Variants in WDR82 observed in about 807,000 individuals in gnomAD.
WDR82 encodes the protein WD repeat domain 82.
Under a neutral mutation model 36.1 loss-of-function variants are expected in WDR82, and 8 were observed. The observed-to-expected ratio is 0.22, with a 90% confidence interval of 0.13 to 0.40. The LOEUF (loss-of-function observed/expected upper bound fraction) is 0.40, where lower values mean the gene tolerates loss of function less well. Among genes scored for constraint, WDR82 ranks in the 10% least tolerant of loss-of-function variants. The probability of loss-of-function intolerance (pLI) is 1.00; values close to 1 mark genes in which losing one functional copy is unlikely to be tolerated. For missense variants in WDR82, 185 were observed against 400.5 expected, an observed-to-expected ratio of 0.46 and a Z score of 4.59; for synonymous variants, 129 against 137.8, an observed-to-expected ratio of 0.94 and a Z score of 0.45.
chr3:52,275,265 G>A (rs964718563), intron 1 of WDR82, among the ~76,000 whole-genome samples: 3 of 152,136 alleles, frequency 2.0e-5, no homozygotes, highest in Non-Finnish European at 4.4e-5. Flanking sequence ...GCCTTCCCAA[G>A]GAAATACTTC....
chr3:52,277,337 G>C (rs1377534003), intron 1 of WDR82, among the ~76,000 whole-genome samples: 3 of 152,118 alleles, frequency 2.0e-5, no homozygotes, highest in Admixed American at 6.6e-5. Context: ...TGCAGGTATG[G>C]TGGGTCTCCA....
chr3:52,276,367 G>A (rs994367504), intron 1 of WDR82, among the ~76,000 whole-genome samples: 1 of 151,594 alleles, frequency 6.6e-6, no homozygotes, highest in Admixed American at 6.6e-5. Flanking sequence ...GGAGGCAGAG[G>A]TTGCAGTGAG....
At chr3:52,257,695 G>C (rs747649335) in intron 8 of WDR82, among the ~76,000 whole-genome samples, 176 bp from the exon 9 acceptor site, 7 of 152,070 alleles carry the variant, frequency 4.6e-5, no homozygotes, top group African/African-American at 7.2e-5. Context: ...TCCTCTATGT[G>C]AAAGTAAAAT....
intron 1 of WDR82, among the ~76,000 whole-genome samples, chr3:52,272,298 C>T (rs1254791361): frequency 6.6e-6 from 1 of 152,034 alleles, no homozygotes; most frequent in African/African-American, 2.4e-5. Flanking sequence ...AATCTCAGCA[C>T]TTTGGGAGGC....
intron 8 of WDR82, 137 bp from the exon 9 acceptor site, chr3:52,257,656 C>CCT (rs1700023215): frequency 1.1e-6 from 1 of 880,006 alleles, no homozygotes; most frequent in African/African-American, 1.7e-5. Context: ...CAACCAACCC[C>CCT]GATGCTCTAA....
Position 52,258,695 on chromosome 3 carries a change from C to T in WDR82, c.770-17G>A, listed in dbSNP as rs372394905. ...CCTCTGAACCTAAAGAGGATATTCA[C>T]GGAAAATGTAACAGCTCAAGGCGCA... On this transcript the variant is annotated splice_polypyrimidine_tract_variant and intron_variant, in intron 7 of 8. Coordinates refer to ENST00000296490, the MANE Select transcript of WDR82 (RefSeq NM_025222.4). The T allele has an allele frequency of 2.2e-5, 36 of 1,613,902 alleles. No individual in the cohort carries two copies. Among genetic ancestry groups the T allele is most frequent in the South Asian group, 1.1e-4 (10 of 91,070 alleles).
chr3:52,268,906 C>T (rs1002563543), intron 2 of WDR82, among the ~76,000 whole-genome samples: 5 of 152,100 alleles, frequency 3.3e-5, no homozygotes, highest in African/African-American at 1.2e-4. Context: ...CCTAGACCTC[C>T]AGGGCTCAAG....
At chr3:52,259,612 G>A in intron 6 of WDR82, 105 bp downstream of exon 6, 1 of 1,360,790 alleles carries the variant, frequency 7.3e-7, no homozygotes, top group Non-Finnish European at 1.0e-6. Context: ...ATGCCTTCAT[G>A]AGTAAGTCAA....
intron 3 of WDR82, among the ~76,000 whole-genome samples, chr3:52,264,535 T>C (rs1700088501): frequency 6.6e-6 from 1 of 152,058 alleles, no homozygotes; most frequent in Admixed American, 6.6e-5. Context: ...ACAGTGAACA[T>C]GTGTGAGGAG....
chr3:52,278,356 C>A lies in WDR82; in HGVS notation c.6G>T (p.Lys2Asn). The part of the protein sequence containing the change: M[K>N]LTDSVLRSFR... The stretch of plus-strand genomic sequence containing the variant: ...AGCTCCGCAACACGCTGTCGGTCAG[C>A]TTCATGGCGGCGGCTGGGGAAGGCA... The change falls in exon 1 of 9, where the codon AAG becomes AAT. Residue 2 changes from lysine (K) to asparagine (N), a missense_variant. By Grantham distance (94) the Lys-to-Asn change is moderately conservative. Around this residue, in one of 3 missense-constraint regions of WDR82, gnomAD observed 49 missense variants for 80.6 expected, o/e 0.61. Coordinates refer to ENST00000296490, the MANE Select transcript of WDR82 (RefSeq NM_025222.4). 1 of 1,559,224 alleles carries A rather than the reference C, an allele frequency of 6.4e-7. No individual in the cohort carries two copies. The highest frequency in any genetic ancestry group is 2.6e-5 in the East Asian group (1 of 38,326).
intron 8 of WDR82, among the ~76,000 whole-genome samples, chr3:52,257,843 C>T (rs1049997418): frequency 7.2e-5 from 11 of 151,930 alleles, no homozygotes; most frequent in Non-Finnish European, 1.3e-4. Context: ...ATTGCTAATC[C>T]ACCAGGTTAC....
At chr3:52,265,351 G>T (rs1011157128) in intron 3 of WDR82, among the ~76,000 whole-genome samples, 1 of 128,526 alleles carries the variant, frequency 7.8e-6, no homozygotes, top group African/African-American at 2.9e-5. Flanking sequence ...AGGAGGTCAA[G>T]AGGTTGAATA....
At position 52,278,301 on chromosome 3, in the gene WDR82, A is replaced by G. The variant is rs1700225527; in HGVS notation, c.61T>C (p.Ser21Pro). ...FRVAKVFREN[S>P]DKINCFDFSP... ...AAATCGAAGCAGTTAATCTTGTCCG[A>G]GTTTTCGCGGAACACCTTAGCGACG... Residue 21 changes from serine (S) to proline (P), a missense_variant, in exon 1 of 9, where the codon TCG (serine) becomes CCG (proline). Around this residue, in one of 3 missense-constraint regions of WDR82, gnomAD observed 49 missense variants for 80.6 expected, o/e 0.61. Transcript: ENST00000296490. The G allele has an allele frequency of 6.2e-7, 1 of 1,609,426 alleles. No individual in the cohort carries two copies. The highest frequency in any genetic ancestry group is 1.1e-5 in the South Asian group (1 of 90,650).
intron 1 of WDR82, among the ~76,000 whole-genome samples, chr3:52,277,825 T>G (rs556238974): frequency 6.6e-6 from 1 of 152,248 alleles, no homozygotes; most frequent in African/African-American, 2.4e-5. Flanking sequence ...CCTGCAGTCC[T>G]GCGTCGAGGC....
intron 2 of WDR82, among the ~76,000 whole-genome samples, chr3:52,270,025 T>C (rs768189116): frequency 6.6e-6 from 1 of 152,218 alleles, no homozygotes; most frequent in Non-Finnish European, 1.5e-5. Flanking sequence ...GTTCAAGCAT[T>C]TGTGAAACTT....
chr3:52,257,336 T>C lies in WDR82; in HGVS notation c.*154A>G. 1.0e-6 allele frequency: 1 copy of C among 993,836 alleles called. No individual in the cohort carries two copies. The highest frequency in any genetic ancestry group is 1.5e-6 in the Non-Finnish European group (1 of 662,112). The allele number at this position is 993,836 out of a possible 1,614,324, so 61.6% of individuals were successfully genotyped here. On this transcript the variant is annotated 3_prime_UTR_variant, in exon 9 of 9. Coordinates refer to ENST00000296490, the MANE Select transcript of WDR82 (RefSeq NM_025222.4). ...CGCTCATCAAAGTAATTATTTTCTT[T>C]TGAGCAGATGTACAGCACATCCATG...
At chr3:52,260,354 G>C (rs1379090172) in intron 5 of WDR82, 31 bp downstream of exon 5, 1 of 1,479,910 alleles carries the variant, frequency 6.8e-7, no homozygotes, top group South Asian at 1.3e-5. Flanking sequence ...ACAAAAAACA[G>C]CTCAAAGATC....
At position 52,255,720 on chromosome 3, in the gene WDR82, C is replaced by T. The variant is rs1409222002; in HGVS notation, c.*1770G>A. Reference sequence around the variant, plus strand: ...TACATATTCTTGAGCAAGTCATAACCCTATTGTGCCTCAGTTTCTGGATCT... The same window carrying T: ...TACATATTCTTGAGCAAGTCATAACTCTATTGTGCCTCAGTTTCTGGATCT... On this transcript the variant is annotated 3_prime_UTR_variant, in exon 9 of 9. Transcript: ENST00000296490. 6.6e-6 allele frequency: 1 copy of T among 152,122 alleles called. No homozygotes were observed. Among genetic ancestry groups the T allele is most frequent in the Non-Finnish European group, 1.5e-5 (1 of 68,044 alleles). The allele number at this position is 152,122 out of a possible 1,614,324, so 9.4% of individuals were successfully genotyped here. A position where few individuals can be genotyped will look rare whatever the true frequency, so the allele number is the denominator to read the frequency against.
rs756193903 is a variant in WDR82 at position 52,257,501 on chromosome 3, T to C, written c.931A>G (p.Ile311Val). Residue 311 changes from isoleucine (I) to valine (V), a missense_variant, in exon 9 of 9, where the codon ATT becomes GTT. Coordinates refer to ENST00000296490, the MANE Select transcript of WDR82 (RefSeq NM_025222.4). The stretch of plus-strand genomic sequence containing the variant: ...AAGCAGCAACAGGGTCAGTCATCAA[T>C]GGTGGGCAACCAAAAGGCCTAGAAG... ...CSNMAFWLPT[I>V]DD The C allele has an allele frequency of 6.2e-7, 1 of 1,613,994 alleles. No individual in the cohort carries two copies.
Sources: gnomAD v4.1 joint callset for allele counts (sites outside exome capture counted in the v4.1 genomes callset) on GRCh38, gnomAD v4.1.1 for gene constraint, gnomAD v4.1.1 regional missense constraint, MANE v1.5 for transcripts, NCBI Gene and HGNC (gene_info 2026-07-23, HGNC 2026-07-21) for gene names.